The following PPRC1 variants were observed in gnomAD, a reference collection of about 807,000 sequenced individuals.
The protein encoded by PPRC1 is peroxisome proliferator-activated receptor gamma coactivator-related protein 1.
Under a neutral mutation model 132.5 loss-of-function variants are expected in PPRC1, and 23 were observed. The ratio of observed to expected loss-of-function variants is 0.17; its 90% CI spans 0.12 to 0.25. The LOEUF (loss-of-function observed/expected upper bound fraction) is 0.25. PPRC1 is among the 10% of genes least tolerant of loss of function. The probability of loss-of-function intolerance (pLI) is 1.00; values close to 1 mark genes in which losing one functional copy is unlikely to be tolerated. For missense variants in PPRC1, 2,006 were observed against 2,089.1 expected, an observed-to-expected ratio of 0.96 and a Z score of 0.78; for synonymous variants, 872 against 833.5, an observed-to-expected ratio of 1.05 and a Z score of -0.80.
At chr10:102,120,176 G>A in the PPRC1 span, 2 of 1,181,088 alleles carry the variant, frequency 1.7e-6, no homozygotes, top group Non-Finnish European at 2.1e-6. Flanking sequence ...GGGACAGGCC[G>A]GGCATGAGCC....
chr10:102,120,327 C>A, the PPRC1 span: 13 of 984,648 alleles, frequency 1.3e-5, no homozygotes, highest in Non-Finnish European at 1.6e-5. Flanking sequence ...AGGCGAGCGG[C>A]CTCTGCGTGT....
intron 8 of PPRC1, among the ~76,000 whole-genome samples, chr10:102,145,891 C>A (rs934685066): frequency 1.7e-4 from 26 of 151,564 alleles, no homozygotes; most frequent in Non-Finnish European, 3.1e-4. Flanking sequence ...CAAAAAAAAA[C>A]AACCATGGAT....
At chr10:102,127,033 A>T in the PPRC1 span, among the ~76,000 whole-genome samples, 1,278 of 48,114 alleles carry the variant, frequency 0.027, 47 homozygotes, top group Non-Finnish European at 0.048. Context: ...ATATATATAT[A>T]TATATATATA....
intron 8 of PPRC1, among the ~76,000 whole-genome samples, chr10:102,145,738 G>A (rs1362509330): frequency 6.6e-6 from 1 of 151,806 alleles, no homozygotes; most frequent in African/African-American, 2.4e-5. Flanking sequence ...GATGGCGGGT[G>A]CCTGTAGTCC....
upstream of PPRC1, among the ~76,000 whole-genome samples, chr10:102,129,265 G>A (rs116902323): frequency 0.018 from 2,738 of 152,216 alleles, 52 homozygotes; most frequent in Admixed American, 0.029. Context: ...ATTATAATCA[G>A]ATGAGTCTTT....
rs574131612 is a variant in PPRC1, at chr10:102,140,021, C to A, written c.1513C>A (p.Gln505Lys). ...SQVDNLQKQP[Q>K]EELQKESGPL... ...GGTAGACAACTTGCAGAAACAGCCTCAGGAAGAACTTCAAAAAGAGTCTGG... is the reference window on the plus strand; with the variant it reads ...GGTAGACAACTTGCAGAAACAGCCTAAGGAAGAACTTCAAAAAGAGTCTGG... Residue 505 changes from glutamine to lysine, a missense_variant, in exon 5 of 14, where the codon CAG becomes AAG. Coordinates refer to ENST00000278070, the MANE Select transcript of PPRC1 (RefSeq NM_015062.5). 1.2e-6 allele frequency: 2 copies of A among 1,614,234 alleles called. No homozygotes were observed. The highest frequency in any genetic ancestry group is 1.7e-6 in the Non-Finnish European group (2 of 1,180,040).
At chr10:102,127,066 T>TAC in the PPRC1 span, among the ~76,000 whole-genome samples, 1 of 54,886 alleles carries the variant, frequency 1.8e-5, no homozygotes, top group East Asian at 3.9e-4. Context: ...TATATATATA[T>TAC]ATAAATTAAA....
intron 6 of PPRC1, 60 bp downstream of exon 6, chr10:102,143,158 A>G: frequency 6.6e-7 from 1 of 1,518,438 alleles, no homozygotes; most frequent in Non-Finnish European, 9.1e-7. Flanking sequence ...TTTTGGGCCC[A>G]GCCCTGTAGT....
At chr10:102,127,404 A>T in the PPRC1 span, among the ~76,000 whole-genome samples, 4 of 152,210 alleles carry the variant, frequency 2.6e-5, no homozygotes, top group East Asian at 7.7e-4. Context: ...ATACATTGTG[A>T]TAGAGTCTTG....
the PPRC1 span, among the ~76,000 whole-genome samples, chr10:102,122,413 G>A: frequency 6.7e-4 from 101 of 150,930 alleles, no homozygotes; most frequent in Middle Eastern, 3.5e-3. Flanking sequence ...ACCCAGTCAC[G>A]TAGCCCAGTG....
rs2068920250 is a variant in PPRC1 at position 102,140,569 on chromosome 10, G to A, written c.2061G>A (p.Lys687=). The A allele has an allele frequency of 8.7e-6, 14 of 1,614,092 alleles. No homozygotes were observed. Among genetic ancestry groups the A allele is most frequent in the Non-Finnish European group, 1.2e-5 (14 of 1,180,016 alleles). ...DLTPVDPVLV[K]SRPTDPRRGA... ...CTCCAGTTGACCCAGTGCTAGTTAA[G>A]TCCAGACCAACTGATCCCAGACGTG... Residue 687 remains lysine, a synonymous_variant, in exon 5 of 14, where the codon AAG becomes AAA. Transcript: ENST00000278070.
chr10:102,127,380 A>G, the PPRC1 span, among the ~76,000 whole-genome samples: 1 of 147,702 alleles, frequency 6.8e-6, no homozygotes, highest in Non-Finnish European at 1.5e-5. Context: ...TCTCAAAAAA[A>G]TAAATAAAAT....
chr10:102,135,114 G>C (rs1206689615), intron 1 of PPRC1, among the ~76,000 whole-genome samples: 1 of 152,210 alleles, frequency 6.6e-6, no homozygotes, highest in Non-Finnish European at 1.5e-5. Context: ...AATAATGAAT[G>C]AGACAAAAGT....
chr10:102,143,361 G>C (rs1348473545), intron 6 of PPRC1, among the ~76,000 whole-genome samples: 1 of 152,184 alleles, frequency 6.6e-6, no homozygotes, highest in Non-Finnish European at 1.5e-5. Flanking sequence ...AGCACTCTGG[G>C]AAGCTGAGGC....
the PPRC1 span, among the ~76,000 whole-genome samples, chr10:102,121,014 C>T: frequency 6.6e-6 from 1 of 152,174 alleles, no homozygotes; most frequent in East Asian, 1.9e-4. Context: ...AACCCCTCAA[C>T]TCACCCCTTC....
the PPRC1 span, chr10:102,120,386 TGC>T: frequency 4.1e-6 from 4 of 983,786 alleles, no homozygotes; most frequent in Admixed American, 6.2e-5. Context: ...TGTGCGTGTG[TGC>T]GCGTGTGCGT....
At position 102,139,118 on chromosome 10, in the gene PPRC1, G is replaced by A. The variant is rs2068838578; in HGVS notation, c.610G>A (p.Asp204Asn). The part of the protein sequence containing the change: ...RGSGVEMSLP[D>N]PSWDFSPPSF... ...CCTGCAGGTTGAAATGTCTCTTCCA[G>A]ATCCCTCTTGGGACTTCTCCCCACC... The change falls in exon 5 of 14, where the codon GAT (aspartate) becomes AAT (asparagine). Residue 204 changes from aspartate to asparagine, a missense_variant. Asp to Asn is a conservative substitution (Grantham distance 23). Transcript: ENST00000278070. 1 of 1,608,540 alleles carries A rather than the reference G, an allele frequency of 6.2e-7. No individual in the cohort carries two copies. The highest frequency in any genetic ancestry group is 1.3e-5 in the African/African-American group (1 of 74,620).
At chr10:102,135,674 C>T (rs777124599) in intron 1 of PPRC1, among the ~76,000 whole-genome samples, 1 of 152,160 alleles carries the variant, frequency 6.6e-6, no homozygotes, top group Non-Finnish European at 1.5e-5. Flanking sequence ...CCACCACACC[C>T]GGCCTGTAAG....
At chr10:102,145,487 C>G (rs1357663691) in intron 8 of PPRC1, among the ~76,000 whole-genome samples, 1 of 150,700 alleles carries the variant, frequency 6.6e-6, no homozygotes, top group Non-Finnish European at 1.5e-5. Flanking sequence ...AGGAGAATTG[C>G]TAAAATCCAG....
Sources: allele counts gnomAD v4.1 joint callset (sites outside exome capture counted in the v4.1 genomes callset), GRCh38; gene constraint gnomAD v4.1.1; transcripts MANE v1.5; gene names NCBI Gene and HGNC (gene_info 2026-07-23, HGNC 2026-07-21).